MYO1D: variants seen among roughly 807,000 people sequenced by gnomAD.
MYO1D encodes the protein unconventional myosin-Id.
MYO1D carries 83 observed loss-of-function variants against 122.0 expected under a neutral mutation model. The ratio of observed to expected loss-of-function variants is 0.68; its 90% CI spans 0.57 to 0.82. The LOEUF is 0.82. MYO1D is among the 40% of genes least tolerant of loss of function. MYO1D has a pLI of 0.00. For synonymous variants in MYO1D, 464 were observed against 446.9 expected (o/e 1.04, Z -0.48); for missense variants, 1,157 against 1,269.5 (o/e 0.91, Z 1.35).
intron 19 of MYO1D, among the ~76,000 whole-genome samples, chr17:32,651,264 T>G (rs1000062734): frequency 6.6e-6 from 1 of 152,210 alleles, no homozygotes; most frequent in Non-Finnish European, 1.5e-5. Context: ...ATAATCCTTT[T>G]GGGTTGCTGT....
intron 1 of MYO1D, among the ~76,000 whole-genome samples, chr17:32,789,190 T>C (rs893622797): frequency 2.0e-5 from 3 of 152,196 alleles, no homozygotes; most frequent in South Asian, 2.1e-4. Context: ...GTTTTCTAGG[T>C]ATATGATCAG....
intron 21 of MYO1D, among the ~76,000 whole-genome samples, chr17:32,588,729 C>T (rs1267991696): frequency 6.6e-6 from 1 of 152,050 alleles, no homozygotes; most frequent in African/African-American, 2.4e-5. Flanking sequence ...ACAGGTGGAT[C>T]TCTTGAGGCC....
chr17:32,706,921 C>T (rs566091072), intron 16 of MYO1D, among the ~76,000 whole-genome samples: 1 of 152,194 alleles, frequency 6.6e-6, no homozygotes. Context: ...TGGGCCCGAT[C>T]TCCTGACCTT....
At chr17:32,644,226 T>C (rs1189470510) in intron 19 of MYO1D, among the ~76,000 whole-genome samples, 1 of 152,226 alleles carries the variant, frequency 6.6e-6, no homozygotes, top group Non-Finnish European at 1.5e-5. Context: ...TTGAGCAGTT[T>C]TGAGTGAGTT....
chr17:32,615,464 GCTGT>G (rs999957264), intron 20 of MYO1D, among the ~76,000 whole-genome samples: 1 of 152,148 alleles, frequency 6.6e-6, no homozygotes, highest in African/African-American at 2.4e-5. Flanking sequence ...GCTTCTTCTT[GCTGT>G]CTATGAAAAA....
rs774983900 is a variant in MYO1D, at chr17:32,659,183, G to A, written c.2277C>T (p.His759=). ...CTTTAGGAGGGCTTGGCCACTTCAC[G>A]TGCTTCCCGTAGTCTCGCATGGTCT... is the stretch of plus-strand genomic sequence containing the variant. ...GVKTMRDYGK[H]VKWPSPPKVL... is the part of the protein sequence containing the mutation. Residue 759 remains histidine (H), a synonymous_variant, in exon 17 of 22, where the codon CAC becomes CAT. Transcript: ENST00000318217. 6.2e-7 allele frequency: 1 copy of A among 1,614,176 alleles called. No homozygotes were observed. The highest frequency in any genetic ancestry group is 8.5e-7 in the Non-Finnish European group (1 of 1,180,028).
At chr17:32,755,229 A>G (rs952736031) in intron 11 of MYO1D, among the ~76,000 whole-genome samples, 21 of 152,226 alleles carry the variant, frequency 1.4e-4, no homozygotes, top group African/African-American at 5.1e-4. Flanking sequence ...CTAAAGAATC[A>G]TGCTCATTTT....
At chr17:32,862,047 C>G (rs1334441996) in intron 1 of MYO1D, among the ~76,000 whole-genome samples, 1 of 151,978 alleles carries the variant, frequency 6.6e-6, no homozygotes, top group African/African-American at 2.4e-5. Flanking sequence ...AAAGTTATGT[C>G]TCTGTCTTCT....
chr17:32,652,777 G>A (rs982997922), intron 19 of MYO1D, among the ~76,000 whole-genome samples: 11 of 152,078 alleles, frequency 7.2e-5, no homozygotes, highest in African/African-American at 2.2e-4. Flanking sequence ...CTCACCTTCC[G>A]AATCTCAATA....
intron 16 of MYO1D, among the ~76,000 whole-genome samples, chr17:32,666,940 A>G (rs1391358169): frequency 6.6e-6 from 1 of 152,176 alleles, no homozygotes; most frequent in African/African-American, 2.4e-5. Flanking sequence ...AGTTCCCCCT[A>G]TGGGGATCTT....
chr17:32,668,494 T>G (rs369942854), intron 16 of MYO1D, among the ~76,000 whole-genome samples: 5 of 152,208 alleles, frequency 3.3e-5, no homozygotes, highest in African/African-American at 1.2e-4. Flanking sequence ...ATTGCCAAAA[T>G]AGCTGATATT....
Position 32,771,212 on chromosome 17 carries a change from T to C in MYO1D, c.627A>G (p.Gln209=), listed in dbSNP as rs766934568. 15 of 1,602,536 alleles carry C rather than the reference T, an allele frequency of 9.4e-6. No homozygotes were observed. Among genetic ancestry groups the C allele is most frequent in the Non-Finnish European group, 9.4e-6 (11 of 1,170,866 alleles). The change falls in exon 6 of 22, where the codon CAA becomes CAG. Residue 209 remains glutamine, a synonymous_variant. Coordinates refer to ENST00000318217, the MANE Select transcript of MYO1D (RefSeq NM_015194.3). ...RSFHSFYQLL[Q]GGSEQMLRSL... ...AGCGTAGCATTTGTTCTGAACCTCC[T>C]TGGAGTAGCTGAAAAATATTTAATT...
intron 14 of MYO1D, among the ~76,000 whole-genome samples, chr17:32,721,940 G>C (rs1481250721): frequency 6.6e-6 from 1 of 152,202 alleles, no homozygotes; most frequent in Non-Finnish European, 1.5e-5. Flanking sequence ...TCCTACAAGT[G>C]TAAAGAATTT....
At chr17:32,496,583 C>A (rs961690744) in intron 21 of MYO1D, among the ~76,000 whole-genome samples, 20 of 152,294 alleles carry the variant, frequency 1.3e-4, no homozygotes, top group African/African-American at 4.8e-4. Context: ...AGGTGGGGCC[C>A]CTGCAGCCCT....
At position 32,583,316 on chromosome 17, in the gene MYO1D, G is replaced by A. The variant is rs189153628; in HGVS notation, c.2864+21771C>T. 1.4e-3 allele frequency among the ~76,000 whole-genome samples: 218 copies of A among 152,172 alleles called. 1 individual carries two copies. The highest frequency in any genetic ancestry group is 4.6e-3 in the African/African-American group (191 of 41,532). On this transcript the variant is annotated intron_variant, in intron 21 of 21. Transcript: ENST00000318217. Reference sequence around the variant, plus strand: ...TCTAGCAATGTTTATCACTGGCTTTGAGCAATTTGAATGTGATATGCCTTA... The same window carrying A: ...TCTAGCAATGTTTATCACTGGCTTTAAGCAATTTGAATGTGATATGCCTTA...
At chr17:32,724,576 T>C (rs971338162) in intron 14 of MYO1D, among the ~76,000 whole-genome samples, 3 of 152,120 alleles carry the variant, frequency 2.0e-5, no homozygotes, top group African/African-American at 2.4e-5. Context: ...CTGGGGAAAT[T>C]TGCCAGTTCC....
intron 21 of MYO1D, among the ~76,000 whole-genome samples, chr17:32,575,958 G>A (rs1485133372): frequency 6.6e-6 from 1 of 152,126 alleles, no homozygotes; most frequent in Non-Finnish European, 1.5e-5. Context: ...GTCAATCAAT[G>A]CCCTCATCTA....
At chr17:32,530,894 CCTCA>C (rs1336503372) in intron 21 of MYO1D, among the ~76,000 whole-genome samples, 1 of 151,932 alleles carries the variant, frequency 6.6e-6, no homozygotes, top group Non-Finnish European at 1.5e-5. Context: ...AGTTCTCTGT[CCTCA>C]CTCCCTTTGG....
intron 16 of MYO1D, among the ~76,000 whole-genome samples, chr17:32,681,382 G>A (rs1276065635): frequency 7.3e-6 from 1 of 136,892 alleles, no homozygotes; most frequent in East Asian, 2.2e-4. Context: ...TTCTCTTGTG[G>A]GCATTTAGTG....
Sources: gnomAD v4.1 joint callset for allele counts (sites outside exome capture counted in the v4.1 genomes callset) on GRCh38, gnomAD v4.1.1 for gene constraint, MANE v1.5 for transcripts, NCBI Gene and HGNC (gene_info 2026-07-23, HGNC 2026-07-21) for gene names.